SNAP47: variants seen among roughly 807,000 people sequenced by gnomAD.
The protein encoded by SNAP47 is synaptosome associated protein 47.
A neutral mutation model predicts 31.4 loss-of-function variants in SNAP47; 20 were observed. The ratio of observed to expected loss-of-function variants is 0.64; its 90% CI spans 0.45 to 0.93. The LOEUF (loss-of-function observed/expected upper bound fraction) is 0.93. SNAP47 is among the 40% of genes least tolerant of loss of function. The pLI, the probability that SNAP47 is intolerant of heterozygous loss-of-function variation, is 0.00. For synonymous variants in SNAP47, 194 were observed against 213.4 expected (o/e 0.91, Z 0.79); for missense variants, 492 against 528.5 (o/e 0.93, Z 0.68).
chr1:227,739,097 G>A (rs1661427181), intron 1 of SNAP47, among the ~76,000 whole-genome samples: 1 of 152,142 alleles, frequency 6.6e-6, no homozygotes, highest in East Asian at 1.9e-4. Context: ...GATCAGCCCT[G>A]GCATCGCTTG....
chr1:227,744,003 C>T (rs1661791092), intron 1 of SNAP47: 2 of 152,230 alleles, frequency 1.3e-5, no homozygotes, highest in African/African-American at 4.8e-5. Context: ...ACGCCGAGGT[C>T]CCTGGTGTGA....
chr1:227,737,431 CTGATGA>C (rs1661296638), intron 1 of SNAP47, among the ~76,000 whole-genome samples: 2 of 152,196 alleles, frequency 1.3e-5, no homozygotes, highest in South Asian at 4.1e-4. Flanking sequence ...GTTTGGAGGT[CTGATGA>C]CATTCTAGGG....
Position 227,762,088 on chromosome 1 carries a change from C to T in SNAP47, c.988+2603C>T, listed in dbSNP as rs1057274156. ...TTCACTTGCACAGCTGCACCCGGCC[C>T]GTGGTGTTTTGAGTACCTGGGGCAG... On this transcript the variant is annotated intron_variant, in intron 3 of 4. Coordinates refer to ENST00000617596, the MANE Select transcript of SNAP47 (RefSeq NM_053052.4). This position sits in a 1 kb window ranked among gnomAD's most constrained non-coding sequence, Gnocchi z 4.2. 2.0e-5 allele frequency among the ~76,000 whole-genome samples: 3 copies of T among 152,222 alleles called. No homozygotes were observed. The highest frequency in any genetic ancestry group is 1.9e-4 in the East Asian group (1 of 5,188).
intron 4 of SNAP47, among the ~76,000 whole-genome samples, chr1:227,769,595 G>T (rs1663661086): frequency 6.6e-6 from 1 of 152,146 alleles, no homozygotes. Context: ...AGTGGTGTGG[G>T]TTGCAACTGG....
At chr1:227,772,087 G>A (rs777524676) in intron 4 of SNAP47, among the ~76,000 whole-genome samples, 2 of 152,308 alleles carry the variant, frequency 1.3e-5, no homozygotes, top group South Asian at 2.1e-4. Flanking sequence ...CCCAGTTGTC[G>A]CTTTAATGAA....
In SNAP47 at chr1:227,780,776, GGTC is replaced by G. The variant is rs1392779993; in HGVS notation, c.*104_*106del. On this transcript the variant is annotated 3_prime_UTR_variant, in exon 5 of 5. Transcript: ENST00000617596. Reference sequence around the variant, plus strand: ...GCAGAGGCCTGTGGCCCTCCGGAGTGGTCTTCCTCTGGATGGGGCTGCTACTGT... The same window carrying G: ...GCAGAGGCCTGTGGCCCTCCGGAGTGTTCCTCTGGATGGGGCTGCTACTGT... 31 of 1,501,924 alleles carry G rather than the reference GGTC, an allele frequency of 2.1e-5. No homozygotes were observed. The highest frequency in any genetic ancestry group is 2.8e-5 in the Non-Finnish European group (31 of 1,111,084). The allele number at this position is 1,501,924 out of a possible 1,614,324, so 93.0% of individuals were successfully genotyped here.
At chr1:227,767,566 TGTG>T (rs1290146009) in intron 4 of SNAP47, among the ~76,000 whole-genome samples, 4 of 146,948 alleles carry the variant, frequency 2.7e-5, no homozygotes, top group African/African-American at 1.0e-4. Context: ...TTGTGTGTGT[TGTG>T]TGTGTATGCA....
intron 3 of SNAP47, among the ~76,000 whole-genome samples, chr1:227,761,588 A>G (rs754923588): frequency 2.0e-5 from 3 of 152,224 alleles, no homozygotes; most frequent in Non-Finnish European, 4.4e-5. Context: ...GACAGGCTAC[A>G]GAAGCATAGG....
intron 4 of SNAP47, chr1:227,776,037 A>T: frequency 8.3e-7 from 1 of 1,199,616 alleles, no homozygotes; most frequent in South Asian, 1.5e-5. Context: ...ATAAGCTGGC[A>T]GTGTCAGCCA....
chr1:227,731,961 C>T, upstream of SNAP47: 2 of 206,322 alleles, frequency 9.7e-6, no homozygotes, highest in Non-Finnish European at 2.0e-5. Context: ...GGTGAGCTTG[C>T]CCAGCACTGC....
At chr1:227,770,779 T>C (rs1237478428) in intron 4 of SNAP47, 1 of 152,944 alleles carries the variant, frequency 6.5e-6, no homozygotes, top group Non-Finnish European at 1.5e-5. Flanking sequence ...ATAAGGGTCT[T>C]AATCAGTGTA....
rs766226778 is a variant in SNAP47 at position 227,772,652 on chromosome 1, A to G, written c.1113+5569A>G. ...AATGCTCTAAGACCCCTAGATCATA[A>G]AGCTTTACCCCCATGTTTTCTTAGG... On this transcript the variant is annotated intron_variant, in intron 4 of 4. Coordinates refer to ENST00000617596, the MANE Select transcript of SNAP47 (RefSeq NM_053052.4). Among the ~76,000 whole-genome samples the G allele has an allele frequency of 2.7e-4, 41 of 152,076 alleles. 1 individual carries two copies. Among genetic ancestry groups the G allele is most frequent in the Admixed American group, 1.3e-4 (2 of 15,270 alleles).
chr1:227,751,123 G>A (rs992490205), intron 2 of SNAP47, among the ~76,000 whole-genome samples: 1 of 152,184 alleles, frequency 6.6e-6, no homozygotes, highest in Non-Finnish European at 1.5e-5. Flanking sequence ...CCAGCCCCTG[G>A]GCCCCTTTAG....
chr1:227,758,170 T>C (rs1429343489), intron 2 of SNAP47, among the ~76,000 whole-genome samples: 1 of 152,132 alleles, frequency 6.6e-6, no homozygotes, highest in East Asian at 1.9e-4. Context: ...TGCTGTGACA[T>C]TGAGGGCATG....
At chr1:227,738,636 AT>A (rs1163184618) in intron 1 of SNAP47, among the ~76,000 whole-genome samples, 1 of 152,172 alleles carries the variant, frequency 6.6e-6, no homozygotes, top group Non-Finnish European at 1.5e-5. Flanking sequence ...ACCTTAATTG[AT>A]CTTGCCACAT....
intron 2 of SNAP47, 21 bp from the exon 3 acceptor site, chr1:227,758,974 A>G (rs1402489934): frequency 2.6e-6 from 4 of 1,559,320 alleles, no homozygotes; most frequent in Admixed American, 2.1e-5. Flanking sequence ...CCAGTTTTCC[A>G]TGTTTTGTTT....
rs1164820694 is a variant in SNAP47 at position 227,747,893 on chromosome 1, A to G, written c.157A>G (p.Ile53Val). The change falls in exon 2 of 5, where the codon ATA becomes GTA. Residue 53 changes from isoleucine (I) to valine (V), a missense_variant. Transcript: ENST00000617596. ...EILVSFPLSSIVEIKKEASHF... is the reference protein window; with the variant it reads ...EILVSFPLSSVVEIKKEASHF... ...TCTGGTCAGCTTCCCCCTCTCCAGC[A>G]TAGTTGAGATCAAGAAGGAGGCTTC... 3.1e-6 allele frequency: 5 copies of G among 1,614,164 alleles called. No homozygotes were observed. The highest frequency in any genetic ancestry group is 1.1e-5 in the South Asian group (1 of 91,076).
upstream of SNAP47, among the ~76,000 whole-genome samples, chr1:227,728,260 G>A (rs1660437760): frequency 6.6e-6 from 1 of 152,176 alleles, no homozygotes; most frequent in Non-Finnish European, 1.5e-5. Flanking sequence ...TGGACCCTGG[G>A]CGTCCCGCTG....
chr1:227,745,799 C>G (rs922340884), intron 1 of SNAP47: 4 of 152,200 alleles, frequency 2.6e-5, no homozygotes, highest in African/African-American at 9.7e-5. Context: ...GAGACGGCAT[C>G]CTTAGTACCC....
Sources: allele counts gnomAD v4.1 joint callset (sites outside exome capture counted in the v4.1 genomes callset), GRCh38; gene constraint gnomAD v4.1.1; non-coding constraint Gnocchi (gnomAD v3.1); transcripts MANE v1.5; gene names NCBI Gene and HGNC (gene_info 2026-07-23, HGNC 2026-07-21).